The following SLC24A2 variants were observed in gnomAD, a reference collection of about 807,000 sequenced individuals.
SLC24A2 encodes the protein solute carrier family 24 member 2.
SLC24A2 carries 36 observed loss-of-function variants against 62.0 expected under a neutral mutation model. That is an observed-to-expected ratio of 0.58 (90% CI 0.44 to 0.77). The LOEUF (loss-of-function observed/expected upper bound fraction) is 0.77, where lower values mean the gene tolerates loss of function less well. SLC24A2 is among the 30% of genes least tolerant of loss of function. The probability of loss-of-function intolerance (pLI) is 0.00; values close to 1 mark genes in which losing one functional copy is unlikely to be tolerated. For synonymous variants in SLC24A2, 358 were observed against 294.0 expected (o/e 1.22, Z -2.23); for missense variants, 846 against 817.9 (o/e 1.03, Z -0.42).
At chr9:20,044,474 T>G in the SLC24A2 span, among the ~76,000 whole-genome samples, 17 of 152,030 alleles carry the variant, frequency 1.1e-4, no homozygotes, top group Non-Finnish European at 1.9e-4. Flanking sequence ...CACTTAACAT[T>G]GGGAGGCAGG....
At chr9:19,967,691 C>G in the SLC24A2 span, 2 of 152,178 alleles carry the variant, frequency 1.3e-5, no homozygotes, top group Admixed American at 6.6e-5. Flanking sequence ...ACACTGTAAT[C>G]TGAATGCAAT....
At chr9:19,601,332 C>T (rs955909283) in intron 4 of SLC24A2, among the ~76,000 whole-genome samples, 2 of 152,168 alleles carry the variant, frequency 1.3e-5, no homozygotes, top group African/African-American at 2.4e-5. Flanking sequence ...GGACAGAAAT[C>T]GAACATGGGT....
the SLC24A2 span, among the ~76,000 whole-genome samples, chr9:19,814,619 G>A: frequency 1.3e-5 from 2 of 152,136 alleles, no homozygotes; most frequent in Non-Finnish European, 2.9e-5. Flanking sequence ...CAAAACCAGT[G>A]TCTAGGGCCA....
intron 9 of SLC24A2, among the ~76,000 whole-genome samples, chr9:19,525,399 T>TTC (rs1833395061): frequency 1.4e-5 from 2 of 138,678 alleles, no homozygotes; most frequent in Non-Finnish European, 3.1e-5. Flanking sequence ...TACTTTTTTT[T>TTC]TTTTTTTTTT....
intron 2 of SLC24A2, among the ~76,000 whole-genome samples, chr9:19,649,001 C>CAAAAAAAAAAAA (rs66653116): frequency 1.0e-4 from 11 of 108,778 alleles, no homozygotes; most frequent in South Asian, 3.1e-4. Flanking sequence ...GATTAAAAAC[C>CAAAAAAAAAAAA]AAAAAAAAAA....
chr9:19,719,478 G>A (rs1587213352), intron 2 of SLC24A2, among the ~76,000 whole-genome samples: 1 of 150,216 alleles, frequency 6.7e-6, no homozygotes, highest in African/African-American at 2.5e-5. Flanking sequence ...CTAGACTTTT[G>A]TTGTACAGAG....
the SLC24A2 span, among the ~76,000 whole-genome samples, chr9:20,149,810 C>T: frequency 6.6e-6 from 1 of 152,050 alleles, no homozygotes; most frequent in African/African-American, 2.4e-5. Flanking sequence ...GTCTGAGAAA[C>T]TCAGTAGGAA....
At chr9:19,889,489 A>G in the SLC24A2 span, among the ~76,000 whole-genome samples, 2 of 146,748 alleles carry the variant, frequency 1.4e-5, no homozygotes, top group African/African-American at 2.5e-5. Context: ...ATAGGCCTCC[A>G]TTCATGCTTA....
At chr9:19,700,656 G>A (rs1587176352) in intron 2 of SLC24A2, among the ~76,000 whole-genome samples, 2 of 152,108 alleles carry the variant, frequency 1.3e-5, no homozygotes, top group African/African-American at 2.4e-5. Context: ...GGGTAAGAAC[G>A]TCCTTGCTTT....
At chr9:20,022,772 C>A in the SLC24A2 span, among the ~76,000 whole-genome samples, 5 of 149,492 alleles carry the variant, frequency 3.3e-5, no homozygotes, top group Admixed American at 2.7e-4. Flanking sequence ...TTGCTATTAT[C>A]CTGCCTTGAA....
At chr9:19,567,230 A>G (rs1835691444) in intron 7 of SLC24A2, among the ~76,000 whole-genome samples, 1 of 151,558 alleles carries the variant, frequency 6.6e-6, no homozygotes, top group African/African-American at 2.4e-5. Flanking sequence ...CTTTGCCATC[A>G]TACTAAAAAA....
the SLC24A2 span, among the ~76,000 whole-genome samples, chr9:19,991,143 G>C: frequency 6.6e-6 from 1 of 151,900 alleles, no homozygotes; most frequent in Admixed American, 6.6e-5. Flanking sequence ...CCATCTGCAA[G>C]CTGAGGAGCA....
At position 19,509,207 on chromosome 9, in the gene SLC24A2, A is replaced by C. The variant is rs1832618211; in HGVS notation, c.*6946T>G. ...CCTGAAAAAAATCTACAATTTTAAA[A>C]TAATTTCCATGTAGTATTAGAACTT... On this transcript the variant is annotated 3_prime_UTR_variant, in exon 11 of 11. Transcript: ENST00000341998. 6.6e-6 allele frequency: 1 copy of C among 152,214 alleles called. No individual in the cohort carries two copies. The highest frequency in any genetic ancestry group is 6.5e-5 in the Admixed American group (1 of 15,282). 9.4% of individuals were successfully genotyped at this position (152,214 alleles called of 1,614,324 possible). A position where few individuals can be genotyped will look rare whatever the true frequency, so the allele number is the denominator to read the frequency against.
intron 2 of SLC24A2, among the ~76,000 whole-genome samples, chr9:19,699,775 A>G (rs1820302290): frequency 6.6e-6 from 1 of 152,142 alleles, no homozygotes; most frequent in South Asian, 2.1e-4. Flanking sequence ...TTCTGCAAGG[A>G]GATTCCATTA....
At chr9:19,750,035 C>A (rs1414826578) in intron 2 of SLC24A2, among the ~76,000 whole-genome samples, 2 of 152,220 alleles carry the variant, frequency 1.3e-5, no homozygotes, top group African/African-American at 4.8e-5. Flanking sequence ...GTCAGAGGAA[C>A]TGCAGTTGCC....
At chr9:20,074,724 T>C in the SLC24A2 span, among the ~76,000 whole-genome samples, 21 of 152,198 alleles carry the variant, frequency 1.4e-4, no homozygotes, top group South Asian at 8.3e-4. Context: ...CAGGTCAATA[T>C]AGATCAAGCT....
intron 2 of SLC24A2, among the ~76,000 whole-genome samples, chr9:19,647,620 A>C (rs1818681618): frequency 6.6e-6 from 1 of 152,244 alleles, no homozygotes; most frequent in Admixed American, 6.5e-5. Flanking sequence ...ATATACAGAT[A>C]CAAGAGAAGA....
chr9:20,079,488 A>AT, the SLC24A2 span, among the ~76,000 whole-genome samples: 4 of 152,052 alleles, frequency 2.6e-5, no homozygotes, highest in African/African-American at 7.2e-5. Flanking sequence ...TTTCCCACTT[A>AT]TTTTTTCCAT....
chr9:20,026,866 A>G, the SLC24A2 span, among the ~76,000 whole-genome samples: 1 of 152,204 alleles, frequency 6.6e-6, no homozygotes, highest in African/African-American at 2.4e-5. Flanking sequence ...CAGCAAACAA[A>G]CAATCAACAG....
Sources: allele counts gnomAD v4.1 joint callset (sites outside exome capture counted in the v4.1 genomes callset), GRCh38; gene constraint gnomAD v4.1.1; transcripts MANE v1.5; gene names NCBI Gene and HGNC (gene_info 2026-07-23, HGNC 2026-07-21).